The following SLC25A13 variants were observed in gnomAD, a reference collection of about 807,000 sequenced individuals.
SLC25A13 encodes the protein electrogenic aspartate/glutamate antiporter SLC25A13, mitochondrial.
SLC25A13 carries 70 observed loss-of-function variants against 85.5 expected under a neutral mutation model. The observed-to-expected ratio is 0.82, with a 90% CI of 0.68 to 1.00. The LOEUF is 1.00. Ranked by LOEUF, SLC25A13 falls within the 50% of genes least tolerant of loss-of-function variation. The pLI is 0.00. For missense variants in SLC25A13, 765 were observed against 819.8 expected (o/e 0.93, Z 0.82); for synonymous variants, 259 against 288.7 (o/e 0.90, Z 1.04).
chr7:96,153,913 A>T (rs1793146563), intron 13 of SLC25A13, among the ~76,000 whole-genome samples: 1 of 152,244 alleles, frequency 6.6e-6, no homozygotes, highest in Non-Finnish European at 1.5e-5. Flanking sequence ...GATCAAAATG[A>T]AGAAAAAATG....
rs1178027153 is a variant in SLC25A13 at position 96,121,833 on chromosome 7, C to T, written c.1750+6G>A. ...AGAGTTAGTTAAGAACACATTATTT[C>T]CATACCACCAGCTCCCTTCCACAGA... On this transcript the variant is annotated splice_donor_region_variant and intron_variant, in intron 16 of 17. Coordinates refer to ENST00000265631, the MANE Select transcript of SLC25A13 (RefSeq NM_014251.3). 6.2e-7 allele frequency: 1 copy of T among 1,614,200 alleles called. No individual in the cohort carries two copies. The highest frequency in any genetic ancestry group is 1.7e-5 in the Admixed American group (1 of 60,026).
chr7:96,199,124 T>A (rs1403499215), intron 5 of SLC25A13, among the ~76,000 whole-genome samples: 1 of 152,108 alleles, frequency 6.6e-6, no homozygotes, highest in Non-Finnish European at 1.5e-5. Flanking sequence ...ACCGAGGTGG[T>A]CCTACCATCA....
At chr7:96,278,709 T>C (rs952674160) in intron 2 of SLC25A13, among the ~76,000 whole-genome samples, 2 of 152,228 alleles carry the variant, frequency 1.3e-5, no homozygotes, top group Non-Finnish European at 2.9e-5. Flanking sequence ...TATAGTATTG[T>C]CTTACAGTTA....
Position 96,193,185 on chromosome 7 carries a change from T to A in SLC25A13, c.469-2A>T. 1 of 1,614,014 alleles carries A rather than the reference T, an allele frequency of 6.2e-7. No individual in the cohort carries two copies. The highest frequency in any genetic ancestry group is 8.5e-7 in the Non-Finnish European group (1 of 1,179,950). ...CTTTGCGTGCTCCAGTTGTATTTCC[T>A]ACAAATAAAGAAAGTAAAATACTTA... On this transcript the variant is annotated splice_acceptor_variant, in intron 5 of 17. Transcript: ENST00000265631. LOFTEE classifies it high-confidence loss of function.
intron 14 of SLC25A13, among the ~76,000 whole-genome samples, chr7:96,133,916 A>G (rs1291059415): frequency 6.6e-6 from 1 of 150,874 alleles, no homozygotes; most frequent in Non-Finnish European, 1.5e-5. Context: ...GTAAGACTCC[A>G]TCTTAATAAA....
chr7:96,189,565 A>G lies in SLC25A13; in HGVS notation c.848+16T>C. ...TTAAGCTAATTCCAAAAAAAAAAAA[A>G]AAAAAGCCAACTTACCCCCTTGGCT... On this transcript the variant is annotated intron_variant, in intron 8 of 17. Transcript: ENST00000265631. 1 of 1,606,770 alleles carries G rather than the reference A, an allele frequency of 6.2e-7. No individual in the cohort carries two copies. The highest frequency in any genetic ancestry group is 8.5e-7 in the Non-Finnish European group (1 of 1,177,878).
chr7:96,275,382 TG>T (rs1798409086), intron 3 of SLC25A13, among the ~76,000 whole-genome samples: 1 of 152,232 alleles, frequency 6.6e-6, no homozygotes, highest in Admixed American at 6.5e-5. Flanking sequence ...ATCCCATTAC[TG>T]GGTATATACC....
At chr7:96,154,732 T>C (rs973433196) in intron 13 of SLC25A13, among the ~76,000 whole-genome samples, 81 of 152,110 alleles carry the variant, frequency 5.3e-4, no homozygotes, top group Non-Finnish European at 1.2e-4. Flanking sequence ...AATGCGATGG[T>C]TTACTCATCT....
chr7:96,132,977 T>C (rs1000644501), intron 14 of SLC25A13, among the ~76,000 whole-genome samples: 1 of 152,222 alleles, frequency 6.6e-6, no homozygotes, highest in Non-Finnish European at 1.5e-5. Context: ...ACTGAGCTTG[T>C]GGGTAATAAA....
In SLC25A13 at chr7:96,146,538, A is replaced by C. The variant is rs773388625; in HGVS notation, c.1452+18T>G. On this transcript the variant is annotated intron_variant, in intron 14 of 17. Coordinates refer to ENST00000265631, the MANE Select transcript of SLC25A13 (RefSeq NM_014251.3). ...GAGAAAGTAATCAAATAAATGACTA[A>C]AAAAAAAAAAAAGTTACCTTGTAGA... 3 of 1,313,144 alleles carry C rather than the reference A, an allele frequency of 2.3e-6. No individual in the cohort carries two copies. Among genetic ancestry groups the C allele is most frequent in the Non-Finnish European group, 3.1e-6 (3 of 955,900 alleles). The allele number at this position is 1,313,144 out of a possible 1,614,324, so 81.3% of individuals were successfully genotyped here.
Position 96,189,672 on chromosome 7 carries a change from C to T in SLC25A13, c.757G>A (p.Glu253Lys). ...AATTTCTGAGCTGCCAGAACAAACT[C>T]CTCTGTATGGAAGAAAAGTTAAAAG... ...TRKDVEVTKE[E>K]FVLAAQKFGQ... Residue 253 changes from glutamate to lysine, a missense_variant and splice_region_variant, in exon 8 of 18, where the codon GAG becomes AAG. Physicochemically the swap from Glu to Lys is moderately conservative, Grantham distance 56. Transcript: ENST00000265631. 1 of 1,613,214 alleles carries T rather than the reference C, an allele frequency of 6.2e-7. No homozygotes were observed. Among genetic ancestry groups the T allele is most frequent in the Non-Finnish European group, 8.5e-7 (1 of 1,179,466 alleles).
chr7:96,234,902 T>C lies in SLC25A13; in HGVS notation c.228A>G (p.Gln76=). The change falls in exon 4 of 18, where the codon CAA becomes CAG. Residue 76 remains glutamine (Q), a synonymous_variant. Transcript: ENST00000265631. ...DQTKDGLISF[Q]EFVAFESVLC... Reference sequence around the variant, plus strand: ...GGACAGATTCAAAGGCAACAAATTCTTGAAAAGATATTAATCTGCAACATA... The same window carrying C: ...GGACAGATTCAAAGGCAACAAATTCCTGAAAAGATATTAATCTGCAACATA... The C allele has an allele frequency of 6.2e-7, 1 of 1,613,434 alleles. No homozygotes were observed. Among genetic ancestry groups the C allele is most frequent in the East Asian group, 2.2e-5 (1 of 44,840 alleles).
At chr7:96,289,463 C>G (rs896420633) in intron 2 of SLC25A13, among the ~76,000 whole-genome samples, 9 of 152,076 alleles carry the variant, frequency 5.9e-5, no homozygotes, top group African/African-American at 2.2e-4. Flanking sequence ...CTTCTCCGAG[C>G]TAAAGGAGGA....
In SLC25A13 at chr7:96,122,076, C is replaced by T. The variant is rs114859776; in HGVS notation, c.1592-79G>A. The T allele has an allele frequency of 2.3e-3, 3,603 of 1,581,920 alleles. 73 individuals are homozygous for T. The African/African-American group carries it at 0.042, about 18-fold the overall frequency. On this transcript the variant is annotated intron_variant, in intron 15 of 17. Coordinates refer to ENST00000265631, the MANE Select transcript of SLC25A13 (RefSeq NM_014251.3). ...AATAACTGTGCTTTGAACTGCTGGC[C>T]GTGGAAAGAAAGTTAAAAATCCGAT...
chr7:96,204,621 C>T (rs542791430), intron 5 of SLC25A13, among the ~76,000 whole-genome samples: 2 of 152,292 alleles, frequency 1.3e-5, no homozygotes, highest in South Asian at 2.1e-4. Flanking sequence ...GTTTATGCCA[C>T]AAACCTTTAA....
At chr7:96,213,345 G>C (rs1250974581) in intron 4 of SLC25A13, among the ~76,000 whole-genome samples, 14 of 152,172 alleles carry the variant, frequency 9.2e-5, no homozygotes, top group Non-Finnish European at 2.1e-4. Flanking sequence ...ACATTTGATT[G>C]TTTAAGATTC....
chr7:96,167,499 C>T (rs1003218466), intron 13 of SLC25A13, among the ~76,000 whole-genome samples: 5 of 152,140 alleles, frequency 3.3e-5, no homozygotes, highest in Non-Finnish European at 7.4e-5. Flanking sequence ...GATCATAAAA[C>T]AGAATAAGCC....
chr7:96,146,319 G>A (rs1187375175), intron 14 of SLC25A13, among the ~76,000 whole-genome samples: 1 of 151,966 alleles, frequency 6.6e-6, no homozygotes, highest in East Asian at 1.9e-4. Context: ...AACTCTAGAG[G>A]GCACGATTCC....
At chr7:96,247,665 A>G (rs1797250906) in intron 3 of SLC25A13, among the ~76,000 whole-genome samples, 2 of 152,314 alleles carry the variant, frequency 1.3e-5, no homozygotes, top group South Asian at 2.1e-4. Flanking sequence ...GAATAAATAC[A>G]AAGTATGGGA....
Sources: gnomAD v4.1 joint callset for allele counts (sites outside exome capture counted in the v4.1 genomes callset) on GRCh38, gnomAD v4.1.1 for gene constraint, MANE v1.5 for transcripts, NCBI Gene and HGNC (gene_info 2026-07-23, HGNC 2026-07-21) for gene names.